Variants in CELF1 observed in about 807,000 individuals in gnomAD.
The protein encoded by CELF1 is 50 kDa nuclear polyadenylated RNA-binding protein.
Under a neutral mutation model 61.8 loss-of-function variants are expected in CELF1, and 10 were observed. The ratio of observed to expected loss-of-function variants is 0.16; its 90% CI spans 0.10 to 0.27. The LOEUF (loss-of-function observed/expected upper bound fraction) is 0.27. Ranked by LOEUF, CELF1 falls within the 10% of genes least tolerant of loss-of-function variation. CELF1 has a pLI of 1.00. For synonymous variants in CELF1, 236 were observed against 225.1 expected, an observed-to-expected ratio of 1.05 and a Z score of -0.43; for missense variants, 380 against 639.1, an observed-to-expected ratio of 0.59 and a Z score of 4.37.
intron 3 of CELF1, chr11:47,496,082 G>C (rs897893005): frequency 1.3e-6 from 1 of 789,220 alleles, no homozygotes; most frequent in Non-Finnish European, 1.5e-6. Context: ...GAATAAAAAG[G>C]GCCCAGAAAC....
intron 1 of CELF1, among the ~76,000 whole-genome samples, chr11:47,528,907 G>C (rs180868774): frequency 5.7e-4 from 86 of 151,650 alleles, no homozygotes; most frequent in Admixed American, 7.9e-4. Flanking sequence ...AAAAAGAAAG[G>C]TAAAGCTTCC....
At chr11:47,481,495 A>C (rs1446678829) in intron 9 of CELF1, among the ~76,000 whole-genome samples, 1 of 152,184 alleles carries the variant, frequency 6.6e-6, no homozygotes, top group Non-Finnish European at 1.5e-5. Flanking sequence ...AAAATTCAGT[A>C]CTGGGAGACA....
intron 1 of CELF1, among the ~76,000 whole-genome samples, chr11:47,507,906 T>TA (rs574437749): frequency 1.7e-3 from 255 of 146,592 alleles, no homozygotes; most frequent in Middle Eastern, 0.01. Context: ...TTAAACTAAT[T>TA]AAAAAAAAAA....
chr11:47,520,229 T>G (rs183062438), intron 1 of CELF1, among the ~76,000 whole-genome samples: 1 of 152,204 alleles, frequency 6.6e-6, no homozygotes, highest in Admixed American at 6.5e-5. Flanking sequence ...TGTGAAAGAC[T>G]TAAAAAATCT....
intron 1 of CELF1, among the ~76,000 whole-genome samples, chr11:47,547,750 C>A (rs1023462908): frequency 6.6e-6 from 1 of 150,992 alleles, no homozygotes; most frequent in Non-Finnish European, 1.5e-5. Context: ...GAAAACAACA[C>A]GCTAAGTGAA....
In CELF1 at chr11:47,499,361, C is replaced by T; in HGVS notation, c.71+92G>A. On this transcript the variant is annotated intron_variant, in intron 3 of 14. Coordinates refer to ENST00000687097, the MANE Select transcript of CELF1 (RefSeq NM_001376376.1). Reference sequence around the variant, plus strand: ...GGCTTCTTTCCCCATTTTTCTCTTCCCCTTCTTAAAAAAAGGAACCAATTT... The same window carrying T: ...GGCTTCTTTCCCCATTTTTCTCTTCTCCTTCTTAAAAAAAGGAACCAATTT... 4.1e-6 allele frequency: 4 copies of T among 969,262 alleles called. No homozygotes were observed. The South Asian group carries it at 4.5e-5, about 11-fold the overall frequency. The allele number at this position is 969,262 out of a possible 1,614,324, so 60.0% of individuals were successfully genotyped here.
At chr11:47,511,517 A>C (rs930417184) in intron 1 of CELF1, among the ~76,000 whole-genome samples, 1 of 152,242 alleles carries the variant, frequency 6.6e-6, no homozygotes, top group Admixed American at 6.5e-5. Context: ...TGCATCTTCA[A>C]ATTGATGGAA....
In CELF1 at chr11:47,475,466, C is replaced by T; in HGVS notation, c.1143G>A (p.Gly381=). 6.2e-7 allele frequency: 1 copy of T among 1,614,020 alleles called. No individual in the cohort carries two copies. The highest frequency in any genetic ancestry group is 8.5e-7 in the Non-Finnish European group (1 of 1,180,032). Residue 381 remains glycine, a synonymous_variant, in exon 13 of 15, where the codon GGG becomes GGA. Transcript: ENST00000687097. ...CCTGAGTGAGGGCCTCCATGGTGCTCCCGGTGCCATTGGAAAGGCCACTGC... is the reference window on the plus strand; with the variant it reads ...CCTGAGTGAGGGCCTCCATGGTGCTTCCGGTGCCATTGGAAAGGCCACTGC... ...LGSSGLSNGT[G]STMEALTQAY... is the part of the protein sequence containing the mutation.
intron 1 of CELF1, among the ~76,000 whole-genome samples, chr11:47,548,381 A>C (rs2097037698): frequency 6.6e-6 from 1 of 152,186 alleles, no homozygotes; most frequent in South Asian, 2.1e-4. Flanking sequence ...AAACTTCATG[A>C]TATTGGATTT....
chr11:47,473,385 C>G (rs1221172723), intron 13 of CELF1, among the ~76,000 whole-genome samples, 154 bp from the exon 14 acceptor site: 1 of 152,186 alleles, frequency 6.6e-6, no homozygotes, highest in Non-Finnish European at 1.5e-5. Flanking sequence ...AAATACAAAG[C>G]AAGGAACCAA....
intron 1 of CELF1, among the ~76,000 whole-genome samples, chr11:47,513,234 A>ACT (rs1221443901): frequency 1.3e-5 from 2 of 152,246 alleles, no homozygotes; most frequent in African/African-American, 2.4e-5. Flanking sequence ...TTGTTAGTGA[A>ACT]CTATGTTTCA....
chr11:47,476,823 G>A (rs748526016), intron 12 of CELF1, 23 bp downstream of exon 12: 1 of 1,561,214 alleles, frequency 6.4e-7, no homozygotes, highest in South Asian at 1.1e-5. Flanking sequence ...ATAGTCTGAT[G>A]ACAGCCAGGT....
exon 1 of CELF1, chr11:47,565,427 C>T: frequency 2.5e-6 from 1 of 399,444 alleles, no homozygotes; most frequent in East Asian, 4.9e-5. Flanking sequence ...ACCTCGGTCC[C>T]TCCTCCGAGG....
chr11:47,500,685 G>C (rs557559941), intron 2 of CELF1, among the ~76,000 whole-genome samples, 176 bp downstream of exon 2: 2 of 152,108 alleles, frequency 1.3e-5, no homozygotes, highest in East Asian at 3.8e-4. Context: ...CAGTAGAGAT[G>C]GATATACTTA....
chr11:47,483,172 G>A (rs1413880384), intron 8 of CELF1, among the ~76,000 whole-genome samples: 1 of 152,068 alleles, frequency 6.6e-6, no homozygotes, highest in South Asian at 2.1e-4. Flanking sequence ...GCAGAGGTAG[G>A]GGGGATCACT....
At position 47,487,996 on chromosome 11, in the gene CELF1, A is replaced by G. The variant is rs895657124; in HGVS notation, c.260-755T>C. ...TTAGAACTACAAATTACTGAAGGTT[A>G]TATTGCCAGTCATGTTCAGAAACTA... On this transcript the variant is annotated intron_variant, in intron 4 of 14. Transcript: ENST00000687097. Among the ~76,000 whole-genome samples the G allele has an allele frequency of 2.6e-5, 4 of 152,182 alleles. No homozygotes were observed. In the South Asian group the frequency reaches 6.2e-4, roughly 24 times the overall value.
intron 1 of CELF1, among the ~76,000 whole-genome samples, chr11:47,548,215 C>T (rs2097029647): frequency 6.6e-6 from 1 of 152,072 alleles, no homozygotes; most frequent in Non-Finnish European, 1.5e-5. Flanking sequence ...AGGAGAATCG[C>T]TTGAACCAGG....
intron 9 of CELF1, among the ~76,000 whole-genome samples, chr11:47,480,092 T>TC (rs1258381269): frequency 6.6e-6 from 1 of 150,782 alleles, no homozygotes; most frequent in East Asian, 1.9e-4. Context: ...GTCTACACTT[T>TC]TTTTTTTTTT....
At chr11:47,529,837 C>T (rs2096403713) in intron 1 of CELF1, among the ~76,000 whole-genome samples, 1 of 151,886 alleles carries the variant, frequency 6.6e-6, no homozygotes, top group Non-Finnish European at 1.5e-5. Context: ...GAGACAAATA[C>T]TTGGGCAGGG....
Sources: gnomAD v4.1 joint callset for allele counts (sites outside exome capture counted in the v4.1 genomes callset) on GRCh38, gnomAD v4.1.1 for gene constraint, MANE v1.5 for transcripts, NCBI Gene and HGNC (gene_info 2026-07-23, HGNC 2026-07-21) for gene names.